The following CADPS variants were observed in gnomAD, a reference collection of about 807,000 sequenced individuals.
The protein encoded by CADPS is calcium-dependent secretion activator 1.
A neutral mutation model predicts 167.3 loss-of-function variants in CADPS; 57 were observed. The observed-to-expected ratio is 0.34, with a 90% CI of 0.28 to 0.42. CADPS has a LOEUF of 0.42. Ranked by LOEUF, CADPS falls within the 20% of genes least tolerant of loss-of-function variation. CADPS has a pLI of 1.00. For missense variants in CADPS, 1,414 were observed against 1,738.1 expected (o/e 0.81, Z 3.32); for synonymous variants, 676 against 635.3 (o/e 1.06, Z -0.96).
intron 5 of CADPS, among the ~76,000 whole-genome samples, 161 bp downstream of exon 5, chr3:62,650,686 T>C (rs1187351712): frequency 6.6e-6 from 1 of 152,180 alleles, no homozygotes; most frequent in East Asian, 1.9e-4. Flanking sequence ...CTCCTGGAGA[T>C]GGGGAATCAC....
rs949786794 is a variant in CADPS, at chr3:62,512,128, C to T, written c.2599+623G>A. The stretch of plus-strand genomic sequence containing the variant: ...GACTACAAAAATGATGATCCCTATT[C>T]TAATTTATTAAAGTTTTAAGTCAGA... On this transcript the variant is annotated intron_variant, in intron 17 of 29. Coordinates refer to ENST00000383710, the MANE Select transcript of CADPS (RefSeq NM_003716.4). Among the ~76,000 whole-genome samples the T allele has an allele frequency of 5.3e-5, 8 of 152,212 alleles. No individual in the cohort carries two copies. The East Asian group carries it at 1.5e-3, about 29-fold the overall frequency.
At chr3:62,460,519 A>G (rs73092129) in intron 26 of CADPS, among the ~76,000 whole-genome samples, 75 of 152,290 alleles carry the variant, frequency 4.9e-4, no homozygotes, top group Admixed American at 1.0e-3. Flanking sequence ...GAAAATACTA[A>G]CAAACTCTGA....
chr3:62,572,077 C>T (rs554482483), intron 8 of CADPS, among the ~76,000 whole-genome samples: 9 of 152,162 alleles, frequency 5.9e-5, no homozygotes, highest in Non-Finnish European at 1.2e-4. Context: ...CACTGGAAAA[C>T]TTCCAAATCC....
intron 1 of CADPS, among the ~76,000 whole-genome samples, chr3:62,859,858 A>G (rs2080440815): frequency 6.6e-6 from 1 of 152,216 alleles, no homozygotes; most frequent in Non-Finnish European, 1.5e-5. Flanking sequence ...AGGAAAACAC[A>G]TCACTTCAAG....
intron 3 of CADPS, among the ~76,000 whole-genome samples, chr3:62,723,217 C>G (rs890104243): frequency 2.0e-5 from 3 of 152,156 alleles, no homozygotes; most frequent in Non-Finnish European, 4.4e-5. Context: ...CATTCTTAAA[C>G]CCAGCTGCGA....
chr3:62,491,055 C>T (rs1438504022), intron 21 of CADPS, among the ~76,000 whole-genome samples: 1 of 152,200 alleles, frequency 6.6e-6, no homozygotes, highest in African/African-American at 2.4e-5. Flanking sequence ...ACAAATATCA[C>T]AGCCGAGTTT....
At chr3:62,765,666 C>T (rs185610252) in intron 2 of CADPS, among the ~76,000 whole-genome samples, 15 of 152,240 alleles carry the variant, frequency 9.9e-5, no homozygotes, top group Admixed American at 7.8e-4. Flanking sequence ...TATAAAATTC[C>T]GTTGTTAAAT....
intron 17 of CADPS, 74 bp downstream of exon 17, chr3:62,512,677 T>A: frequency 8.2e-7 from 1 of 1,217,062 alleles, no homozygotes; most frequent in Non-Finnish European, 1.2e-6. Flanking sequence ...TAAGGAGCCA[T>A]TGAAAAACAA....
rs1335697172 is a variant in CADPS, at chr3:62,412,686, A to G, written c.3778-9501T>C. 6.6e-6 allele frequency among the ~76,000 whole-genome samples: 1 copy of G among 152,154 alleles called. No individual in the cohort carries two copies. Among genetic ancestry groups the G allele is most frequent in the Non-Finnish European group, 1.5e-5 (1 of 68,036 alleles). ...GAATCCACAAGTAGACTCCCGACTT[A>G]ATGCATTTCAGCCTTCTAACCCAAG... On this transcript the variant is annotated intron_variant, in intron 28 of 29. Coordinates refer to ENST00000383710, the MANE Select transcript of CADPS (RefSeq NM_003716.4). The surrounding 1 kb of genome is among the most constrained non-coding windows in gnomAD (Gnocchi z 4.1).
chr3:62,651,243 A>G (rs2070046596), intron 4 of CADPS, among the ~76,000 whole-genome samples, 163 bp from the exon 5 acceptor site: 1 of 152,184 alleles, frequency 6.6e-6, no homozygotes, highest in South Asian at 2.1e-4. Flanking sequence ...CTATTTGAGT[A>G]GACAGCTGCC....
intron 7 of CADPS, among the ~76,000 whole-genome samples, chr3:62,586,416 C>G (rs2084648431): frequency 6.6e-6 from 1 of 152,046 alleles, no homozygotes; most frequent in Non-Finnish European, 1.5e-5. Flanking sequence ...ACTAGTCATG[C>G]AAGCTTGGCC....
At position 62,754,922 on chromosome 3, in the gene CADPS, A is replaced by G. The variant is rs997213320; in HGVS notation, c.556-1149T>C. Among the ~76,000 whole-genome samples the G allele has an allele frequency of 3.9e-5, 6 of 152,176 alleles. No homozygotes were observed. The East Asian group carries it at 9.6e-4, about 24-fold the overall frequency. ...AAGTATACAAGTATCAGGTAAACAT[A>G]TATTTAATTTTCTCTCTTCCTTCCT... On this transcript the variant is annotated intron_variant, in intron 2 of 29. Transcript: ENST00000383710.
intron 13 of CADPS, among the ~76,000 whole-genome samples, chr3:62,531,160 C>T (rs564771908): frequency 6.6e-6 from 1 of 152,240 alleles, no homozygotes; most frequent in East Asian, 1.9e-4. Flanking sequence ...TATTTTATAA[C>T]ACTTTCTTAT....
intron 1 of CADPS, among the ~76,000 whole-genome samples, chr3:62,767,171 G>C (rs2087112700): frequency 6.6e-6 from 1 of 152,068 alleles, no homozygotes; most frequent in Non-Finnish European, 1.5e-5. Flanking sequence ...TAAACTTTTT[G>C]TAAAAAGTTA....
chr3:62,746,898 T>C (rs548826482), intron 3 of CADPS, among the ~76,000 whole-genome samples: 40 of 152,096 alleles, frequency 2.6e-4, no homozygotes, highest in African/African-American at 9.4e-4. Context: ...CCTAGAAAAA[T>C]TGAGATAATA....
chr3:62,584,329 C>T (rs1019153944), intron 8 of CADPS, among the ~76,000 whole-genome samples: 1 of 152,122 alleles, frequency 6.6e-6, no homozygotes, highest in Non-Finnish European at 1.5e-5. Flanking sequence ...TTTAATGGCA[C>T]TTTTAGTACT....
At position 62,874,856 on chromosome 3, in the gene CADPS, C is replaced by CCCGGCT; in HGVS notation, c.168_173dup (p.Ala57_Gly58dup). ...TGCCCCCGCCGCCGCCTGCACCCAC[C>CCCGGCT]CCGGCTCCGGCGCCGGCGCCGCCGC... On this transcript the variant is annotated inframe_insertion, in exon 1 of 30. Transcript: ENST00000383710. This position sits in a 1 kb window ranked among gnomAD's most constrained non-coding sequence, Gnocchi z 7.1. The CCCGGCT allele has an allele frequency of 2.8e-6, 3 of 1,087,814 alleles. No individual in the cohort carries two copies. Among genetic ancestry groups the CCCGGCT allele is most frequent in the Non-Finnish European group, 3.3e-6 (3 of 896,922 alleles). The allele number at this position is 1,087,814 out of a possible 1,614,324, so 67.4% of individuals were successfully genotyped here.
intron 3 of CADPS, among the ~76,000 whole-genome samples, chr3:62,700,922 C>T (rs2081270716): frequency 6.6e-6 from 1 of 152,062 alleles, no homozygotes; most frequent in Non-Finnish European, 1.5e-5. Context: ...TCAGCCCAGG[C>T]TGCCAGCATG....
At chr3:62,633,947 T>C (rs1467293444) in intron 6 of CADPS, among the ~76,000 whole-genome samples, 2 of 152,222 alleles carry the variant, frequency 1.3e-5, no homozygotes, top group Non-Finnish European at 2.9e-5. Context: ...TACTTCCCCC[T>C]GCTGCCTCTA....
Sources: gnomAD v4.1 joint callset for allele counts (sites outside exome capture counted in the v4.1 genomes callset) on GRCh38, gnomAD v4.1.1 for gene constraint, Gnocchi (gnomAD v3.1) non-coding constraint, MANE v1.5 for transcripts, NCBI Gene and HGNC (gene_info 2026-07-23, HGNC 2026-07-21) for gene names.